Variants in IMMP2L observed in about 807,000 individuals in gnomAD.
IMMP2L encodes inner mitochondrial membrane peptidase subunit 2, also known as mitochondrial inner membrane protease subunit 2.
Under a neutral mutation model 19.3 loss-of-function variants are expected in IMMP2L, and 18 were observed. The ratio of observed to expected loss-of-function variants is 0.93; its 90% CI spans 0.64 to 1.38. IMMP2L has a LOEUF of 1.38. Among genes scored for constraint, IMMP2L ranks in the 40% most tolerant of loss-of-function variants. The pLI, the probability that IMMP2L is intolerant of heterozygous loss-of-function variation, is 0.00. For synonymous variants in IMMP2L, 76 were observed against 73.0 expected, an observed-to-expected ratio of 1.04 and a Z score of -0.21; for missense variants, 233 against 218.2, an observed-to-expected ratio of 1.07 and a Z score of -0.43.
intron 3 of IMMP2L, among the ~76,000 whole-genome samples, chr7:111,055,502 C>T (rs1023078490): frequency 2.0e-5 from 3 of 152,144 alleles, no homozygotes; most frequent in African/African-American, 7.2e-5. Flanking sequence ...CTTCCTAACC[C>T]GTTTGCAAAC....
intron 3 of IMMP2L, among the ~76,000 whole-genome samples, chr7:111,325,070 T>C (rs1825167152): frequency 6.6e-6 from 1 of 151,826 alleles, no homozygotes; most frequent in African/African-American, 2.4e-5. Context: ...AAATGCCATC[T>C]CATAGAGAAT....
At position 111,123,586 on chromosome 7, in the gene IMMP2L, A is replaced by G. The variant is rs768427197; in HGVS notation, c.240-160021T>C. ...ATTTTTGGATCTAAATAAAAATCCT[A>G]TTAATAGAATACGAAGGGGTGATTT... On this transcript the variant is annotated intron_variant, in intron 3 of 5. Transcript: ENST00000405709. The surrounding 1 kb of genome is among the most constrained non-coding windows in gnomAD (Gnocchi z 6.4). The G allele has an allele frequency of 6.2e-7, 1 of 1,613,358 alleles. No individual in the cohort carries two copies. The highest frequency in any genetic ancestry group is 8.5e-7 in the Non-Finnish European group (1 of 1,179,486).
chr7:111,487,911 C>G (rs1324065718), intron 2 of IMMP2L, among the ~76,000 whole-genome samples: 1 of 152,080 alleles, frequency 6.6e-6, no homozygotes, highest in Admixed American at 6.5e-5. Flanking sequence ...CCAGTTTGAG[C>G]CTAATAAGGG....
intron 3 of IMMP2L, among the ~76,000 whole-genome samples, chr7:111,233,618 C>G (rs1813958201): frequency 6.6e-6 from 1 of 151,860 alleles, no homozygotes; most frequent in Admixed American, 6.6e-5. Context: ...TGCCAAAATA[C>G]GAATTTTAAA....
At chr7:111,141,324 CA>C (rs1802863390) in intron 3 of IMMP2L, among the ~76,000 whole-genome samples, 1 of 152,056 alleles carries the variant, frequency 6.6e-6, no homozygotes, top group Non-Finnish European at 1.5e-5. Flanking sequence ...TTTCCCCTCC[CA>C]ATCTTTCCTC....
chr7:111,484,980 G>A (rs1842506130), intron 3 of IMMP2L, among the ~76,000 whole-genome samples: 1 of 151,936 alleles, frequency 6.6e-6, no homozygotes, highest in South Asian at 2.1e-4. Flanking sequence ...TAGAGACAGG[G>A]TTTCACCGTG....
intron 3 of IMMP2L, among the ~76,000 whole-genome samples, chr7:111,358,052 C>T (rs1039435309): frequency 6.6e-6 from 1 of 151,718 alleles, no homozygotes; most frequent in Non-Finnish European, 1.5e-5. Flanking sequence ...TTGTACTGGG[C>T]TGTCAACCAT....
At chr7:110,858,992 C>T (rs1023937901) in intron 5 of IMMP2L, among the ~76,000 whole-genome samples, 1 of 152,202 alleles carries the variant, frequency 6.6e-6, no homozygotes. Context: ...CTGATCATGT[C>T]TTTCTGAAAT....
chr7:110,921,692 A>G (rs546968555), intron 4 of IMMP2L, among the ~76,000 whole-genome samples: 1 of 152,256 alleles, frequency 6.6e-6, no homozygotes, highest in South Asian at 2.1e-4. Flanking sequence ...TTATGTTTTC[A>G]TCTATTCAGT....
intron 3 of IMMP2L, among the ~76,000 whole-genome samples, chr7:111,064,732 C>G (rs1794335241): frequency 6.6e-6 from 1 of 152,146 alleles, no homozygotes; most frequent in African/African-American, 2.4e-5. Context: ...ACACCTTGGG[C>G]TCCTCCTACC....
intron 5 of IMMP2L, among the ~76,000 whole-genome samples, chr7:110,726,007 T>C (rs938440984): frequency 2.6e-5 from 4 of 152,282 alleles, no homozygotes; most frequent in Admixed American, 2.0e-4. Context: ...GATAAGAAAA[T>C]TGAGGTTCAT....
intron 3 of IMMP2L, among the ~76,000 whole-genome samples, chr7:111,481,496 A>C (rs1384786852): frequency 6.6e-6 from 1 of 152,182 alleles, no homozygotes; most frequent in Non-Finnish European, 1.5e-5. Context: ...TACCTACTTT[A>C]CTGGTTTTTC....
chr7:111,172,627 C>A (rs1407537306), intron 3 of IMMP2L, among the ~76,000 whole-genome samples: 2 of 151,424 alleles, frequency 1.3e-5, no homozygotes, highest in Non-Finnish European at 3.0e-5. Flanking sequence ...ATCCATTAAC[C>A]AGCCTTTGGC....
At chr7:111,462,604 G>A (rs1840235118) in intron 3 of IMMP2L, among the ~76,000 whole-genome samples, 1 of 152,076 alleles carries the variant, frequency 6.6e-6, no homozygotes. Flanking sequence ...TCAAATCAGG[G>A]TAACTGGGAT....
At chr7:111,488,295 C>T (rs940439994) in intron 2 of IMMP2L, among the ~76,000 whole-genome samples, 9 of 152,152 alleles carry the variant, frequency 5.9e-5, no homozygotes, top group Admixed American at 2.0e-4. Context: ...ACCCGAGCAA[C>T]GTACACTGTA....
At chr7:110,933,627 T>C (rs948290456) in intron 4 of IMMP2L, among the ~76,000 whole-genome samples, 5 of 152,202 alleles carry the variant, frequency 3.3e-5, no homozygotes, top group Admixed American at 3.3e-4. Flanking sequence ...GCTCAGCCTA[T>C]TCCAGGCTGT....
intron 3 of IMMP2L, among the ~76,000 whole-genome samples, chr7:111,013,136 AAAAG>A (rs1314321153): frequency 2.0e-5 from 3 of 152,144 alleles, no homozygotes; most frequent in African/African-American, 4.8e-5. Context: ...TATATAAGGG[AAAAG>A]TACCTAAGGA....
chr7:111,201,871 C>G (rs1466282603), intron 3 of IMMP2L, among the ~76,000 whole-genome samples: 1 of 152,168 alleles, frequency 6.6e-6, no homozygotes, highest in Non-Finnish European at 1.5e-5. Flanking sequence ...CAAGAAAACA[C>G]TGGCTATGTG....
chr7:111,124,630 G>C (rs1385554704), intron 3 of IMMP2L: 2 of 1,613,860 alleles, frequency 1.2e-6, no homozygotes, highest in African/African-American at 1.3e-5. Flanking sequence ...TGATCAAAAA[G>C]AGTATGAAAA....
Sources: gnomAD v4.1 joint callset for allele counts (sites outside exome capture counted in the v4.1 genomes callset) on GRCh38, gnomAD v4.1.1 for gene constraint, Gnocchi (gnomAD v3.1) non-coding constraint, MANE v1.5 for transcripts, NCBI Gene and HGNC (gene_info 2026-07-23, HGNC 2026-07-21) for gene names.